TMEM123: variants seen among roughly 807,000 people sequenced by gnomAD.
The protein encoded by TMEM123 is transmembrane protein 123.
In TMEM123, 16 loss-of-function variants were observed where a neutral mutation model predicts 19.7. The observed-to-expected ratio is 0.81, with a 90% confidence interval of 0.55 to 1.23. TMEM123 has a LOEUF of 1.23. Among genes scored for constraint, TMEM123 ranks in the 50% most tolerant of loss-of-function variants. The probability of loss-of-function intolerance (pLI) is 0.00; values close to 1 mark genes in which losing one functional copy is unlikely to be tolerated. For missense variants in TMEM123, 313 were observed against 257.8 expected (o/e 1.21, Z -1.47); for synonymous variants, 118 against 99.4 (o/e 1.19, Z -1.12).
rs533715624 is a variant in TMEM123, at chr11:102,397,254, C to G, written c.*1613G>C. 9 of 151,842 alleles carry G rather than the reference C, an allele frequency of 5.9e-5. No individual in the cohort carries two copies. The South Asian group carries it at 1.9e-3, about 31-fold the overall frequency. The allele number at this position is 151,842 out of a possible 1,614,324, so 9.4% of individuals were successfully genotyped here. ...AGTAGAAATGATCCATTTCAAAATT[C>G]TTAATATCTAGCGTTCTCTGTAAAA... On this transcript the variant is annotated 3_prime_UTR_variant, in exon 5 of 5. Transcript: ENST00000398136.
intron 2 of TMEM123, among the ~76,000 whole-genome samples, chr11:102,438,725 A>G (rs1421857682): frequency 6.6e-6 from 1 of 152,240 alleles, no homozygotes; most frequent in African/African-American, 2.4e-5. Flanking sequence ...TACCAGGTTC[A>G]TCTCACTGGG....
intron 2 of TMEM123, among the ~76,000 whole-genome samples, chr11:102,434,783 G>T (rs1305058971): frequency 6.6e-6 from 1 of 151,690 alleles, no homozygotes; most frequent in Non-Finnish European, 1.5e-5. Context: ...TGATATCAGG[G>T]TGCTATTTCA....
At chr11:102,441,479 T>C (rs1031957797) in intron 2 of TMEM123, among the ~76,000 whole-genome samples, 4 of 152,130 alleles carry the variant, frequency 2.6e-5, no homozygotes, top group African/African-American at 9.7e-5. Flanking sequence ...GAAATAAAGA[T>C]GTTATTTAAA....
At chr11:102,415,159 C>T (rs1952034358) in intron 2 of TMEM123, among the ~76,000 whole-genome samples, 1 of 152,206 alleles carries the variant, frequency 6.6e-6, no homozygotes, top group South Asian at 2.1e-4. Context: ...TAAATATACA[C>T]TCAACACTGG....
chr11:102,411,373 TC>T (rs1466206942), intron 2 of TMEM123, among the ~76,000 whole-genome samples: 2 of 152,246 alleles, frequency 1.3e-5, no homozygotes, highest in East Asian at 3.9e-4. Context: ...AACCATCTCT[TC>T]CATTTGGCTG....
At chr11:102,407,527 A>T (rs1234293768) in intron 2 of TMEM123, among the ~76,000 whole-genome samples, 2 of 152,146 alleles carry the variant, frequency 1.3e-5, no homozygotes, top group African/African-American at 4.8e-5. Flanking sequence ...TCAGAATGTG[A>T]CCTTATTTGG....
intron 4 of TMEM123, among the ~76,000 whole-genome samples, chr11:102,399,153 A>AT (rs1326577494): frequency 6.6e-6 from 1 of 152,156 alleles, no homozygotes; most frequent in Non-Finnish European, 1.5e-5. Context: ...CCTATTAAAT[A>AT]TTTCTTTCTA....
intron 2 of TMEM123, among the ~76,000 whole-genome samples, chr11:102,413,612 GGA>G (rs1952022063): frequency 6.6e-6 from 1 of 152,166 alleles, no homozygotes; most frequent in African/African-American, 2.4e-5. Context: ...ACACAGCCCC[GGA>G]GTGCTGAGCT....
At chr11:102,413,566 G>C (rs375577985) in intron 2 of TMEM123, among the ~76,000 whole-genome samples, 1 of 152,188 alleles carries the variant, frequency 6.6e-6, no homozygotes, top group South Asian at 2.1e-4. Flanking sequence ...AGAAAACAAA[G>C]CTGTAGGCCT....
chr11:102,432,576 A>T (rs1305525627), intron 2 of TMEM123, among the ~76,000 whole-genome samples: 1 of 152,236 alleles, frequency 6.6e-6, no homozygotes, highest in Non-Finnish European at 1.5e-5. Context: ...TGATGATGTG[A>T]CAGAAAAGAA....
intron 2 of TMEM123, among the ~76,000 whole-genome samples, chr11:102,436,186 G>A (rs1473778252): frequency 3.9e-5 from 6 of 151,980 alleles, no homozygotes; most frequent in Admixed American, 3.3e-4. Flanking sequence ...ATTTTGAGAT[G>A]GAGTTTCCCA....
At chr11:102,417,849 C>G (rs984444502) in intron 2 of TMEM123, among the ~76,000 whole-genome samples, 1 of 151,866 alleles carries the variant, frequency 6.6e-6, no homozygotes, top group Non-Finnish European at 1.5e-5. Context: ...ACAACTACAG[C>G]CATCTGATCT....
At chr11:102,408,783 C>G (rs1040987765) in intron 2 of TMEM123, among the ~76,000 whole-genome samples, 1 of 152,150 alleles carries the variant, frequency 6.6e-6, no homozygotes, top group Non-Finnish European at 1.5e-5. Flanking sequence ...GAAGAACACA[C>G]TACTGGGATA....
At chr11:102,404,199 A>G (rs895007102) in intron 2 of TMEM123, among the ~76,000 whole-genome samples, 19 of 152,212 alleles carry the variant, frequency 1.2e-4, no homozygotes, top group African/African-American at 1.9e-4. Context: ...ACTGTTGTCA[A>G]GTACCAAAAG....
intron 2 of TMEM123, among the ~76,000 whole-genome samples, chr11:102,409,243 A>T (rs1445655733): frequency 6.6e-6 from 1 of 152,130 alleles, no homozygotes; most frequent in Non-Finnish European, 1.5e-5. Flanking sequence ...TAAACCATAA[A>T]TTTCTGGTGC....
chr11:102,445,693 T>G (rs1857877860), intron 2 of TMEM123, among the ~76,000 whole-genome samples: 1 of 152,200 alleles, frequency 6.6e-6, no homozygotes, highest in African/African-American at 2.4e-5. Context: ...TGTAGAAATC[T>G]AAATGCAAGC....
rs181655719 is a variant in TMEM123 at position 102,431,425 on chromosome 11, G to A, written c.157+17387C>T. Among the ~76,000 whole-genome samples, 162 of 152,232 alleles carry A rather than the reference G, an allele frequency of 1.1e-3. 2 individuals carry two copies. The South Asian group carries it at 0.013, about 13-fold the overall frequency. ...TGAGAACATTGAAATTTTACTCAGC[G>A]ATTTTGGAAGGTACCATACACGATA... On this transcript the variant is annotated intron_variant, in intron 2 of 4. Transcript: ENST00000398136.
chr11:102,430,750 A>G (rs139033079), intron 2 of TMEM123, among the ~76,000 whole-genome samples: 1 of 152,276 alleles, frequency 6.6e-6, no homozygotes, highest in East Asian at 1.9e-4. Context: ...AGATGGCTAT[A>G]CTCTCTTAGC....
At chr11:102,411,827 A>C (rs1455348545) in intron 2 of TMEM123, among the ~76,000 whole-genome samples, 2 of 152,202 alleles carry the variant, frequency 1.3e-5, no homozygotes, top group East Asian at 3.8e-4. Context: ...TCAAAGTGTC[A>C]GACACAGTTC....
Sources: allele counts gnomAD v4.1 joint callset (sites outside exome capture counted in the v4.1 genomes callset), GRCh38; gene constraint gnomAD v4.1.1; transcripts MANE v1.5; gene names NCBI Gene and HGNC (gene_info 2026-07-23, HGNC 2026-07-21).